The following DOCK3 variants were observed in gnomAD, a reference collection of about 807,000 sequenced individuals.
DOCK3 encodes dedicator of cytokinesis protein 3.
In DOCK3, 60 loss-of-function variants were observed where a neutral mutation model predicts 265.6. That is an observed-to-expected ratio of 0.23 (90% confidence interval 0.18 to 0.28). The LOEUF is 0.28. Among genes scored for constraint, DOCK3 ranks in the 10% least tolerant of loss-of-function variants. DOCK3 has a pLI of 1.00. For synonymous variants in DOCK3, 881 were observed against 938.0 expected (o/e 0.94, Z 1.11); for missense variants, 1,981 against 2,594.3 (o/e 0.76, Z 5.14).
rs572298100 is a variant in DOCK3 at position 50,777,887 on chromosome 3, A to G, written c.38-788A>G. Among the ~76,000 whole-genome samples, 11 of 152,248 alleles carry G rather than the reference A, an allele frequency of 7.2e-5. No individual in the cohort carries two copies. The South Asian group carries it at 2.3e-3, about 32-fold the overall frequency. On this transcript the variant is annotated intron_variant, in intron 1 of 52. Coordinates refer to ENST00000266037, the MANE Select transcript of DOCK3 (RefSeq NM_004947.5). ...TGACAGTTTGTCATCTTCTTTTCCA[A>G]TCTGGATGCCCTTTATTTCTTTCTC... is the stretch of plus-strand genomic sequence containing the variant.
intron 46 of DOCK3, among the ~76,000 whole-genome samples, chr3:51,360,220 A>C (rs1242097244): frequency 6.6e-6 from 1 of 151,804 alleles, no homozygotes; most frequent in East Asian, 1.9e-4. Context: ...CTGTTAACAC[A>C]CTCCTATGAG....
intron 6 of DOCK3, among the ~76,000 whole-genome samples, chr3:51,070,025 A>G (rs1387690569): frequency 6.6e-6 from 1 of 152,166 alleles, no homozygotes; most frequent in African/African-American, 2.4e-5. Flanking sequence ...TGTCTTGGCT[A>G]TGTTTAAAGT....
rs764060310 is a variant in DOCK3 at position 51,208,763 on chromosome 3, T to C, written c.1038-11T>C. Reference sequence around the variant, plus strand: ...TACTTGAGTACCATAACACCTGTCCTTCTGTTACAGGTGCAACAACGAGAG... The same window carrying C: ...TACTTGAGTACCATAACACCTGTCCCTCTGTTACAGGTGCAACAACGAGAG... On this transcript the variant is annotated splice_polypyrimidine_tract_variant and intron_variant, in intron 12 of 52. Transcript: ENST00000266037. 1 of 1,600,072 alleles carries C rather than the reference T, an allele frequency of 6.2e-7. No individual in the cohort carries two copies. Among genetic ancestry groups the C allele is most frequent in the Admixed American group, 1.7e-5 (1 of 58,276 alleles).
chr3:51,304,230 A>G (rs1330174490), intron 27 of DOCK3, among the ~76,000 whole-genome samples: 1 of 151,982 alleles, frequency 6.6e-6, no homozygotes, highest in Non-Finnish European at 1.5e-5. Flanking sequence ...TTGGATCCAA[A>G]CCGTCCAGTT....
At chr3:51,004,872 A>G (rs1174974630) in intron 5 of DOCK3, among the ~76,000 whole-genome samples, 4 of 149,290 alleles carry the variant, frequency 2.7e-5, no homozygotes, top group Non-Finnish European at 5.9e-5. Context: ...TTTATCGTTC[A>G]TTCAGGCCTA....
At chr3:51,263,271 T>C (rs2079960041) in intron 23 of DOCK3, among the ~76,000 whole-genome samples, 1 of 152,212 alleles carries the variant, frequency 6.6e-6, no homozygotes, top group South Asian at 2.1e-4. Flanking sequence ...ATATTCAACA[T>C]TCTTAAAGAA....
At chr3:51,082,851 G>A (rs1384096866) in intron 7 of DOCK3, among the ~76,000 whole-genome samples, 1 of 152,128 alleles carries the variant, frequency 6.6e-6, no homozygotes, top group Non-Finnish European at 1.5e-5. Context: ...GCCCACAGCT[G>A]TTGTCCCCAT....
chr3:50,749,402 A>G (rs2039647910), intron 1 of DOCK3, among the ~76,000 whole-genome samples: 1 of 152,186 alleles, frequency 6.6e-6, no homozygotes, highest in African/African-American at 2.4e-5. Flanking sequence ...GAAAAGAGGT[A>G]AAAGAAAACA....
At chr3:51,109,068 G>A (rs2083406814) in intron 9 of DOCK3, among the ~76,000 whole-genome samples, 1 of 152,106 alleles carries the variant, frequency 6.6e-6, no homozygotes, top group Non-Finnish European at 1.5e-5. Context: ...CAAAACAACA[G>A]AATATACATT....
chr3:50,887,933 A>G (rs1273315191), intron 3 of DOCK3, among the ~76,000 whole-genome samples: 1 of 152,080 alleles, frequency 6.6e-6, no homozygotes, highest in Admixed American at 6.6e-5. Flanking sequence ...GGAAGTATTC[A>G]CTTTGAACAC....
intron 5 of DOCK3, among the ~76,000 whole-genome samples, chr3:50,971,539 C>T (rs558390765): frequency 2.6e-5 from 4 of 152,188 alleles, no homozygotes; most frequent in African/African-American, 7.2e-5. Context: ...ACCAGGTTGG[C>T]GAGGTCTCAG....
chr3:50,892,618 C>T (rs2048694891), intron 4 of DOCK3, among the ~76,000 whole-genome samples: 1 of 152,026 alleles, frequency 6.6e-6, no homozygotes, highest in South Asian at 2.1e-4. Context: ...TCTTTCTATC[C>T]CACCTCACCC....
intron 5 of DOCK3, among the ~76,000 whole-genome samples, chr3:51,058,755 C>G (rs1399149229): frequency 6.6e-6 from 1 of 152,064 alleles, no homozygotes; most frequent in Non-Finnish European, 1.5e-5. Flanking sequence ...ATAGTTTGCA[C>G]CTTCTTGCTA....
At position 51,332,603 on chromosome 3, in the gene DOCK3, G is replaced by A. The variant is rs189721164; in HGVS notation, c.3489-398G>A. Among the ~76,000 whole-genome samples, 7 of 152,330 alleles carry A rather than the reference G, an allele frequency of 4.6e-5. No individual in the cohort carries two copies. The East Asian group carries it at 1.2e-3, about 25-fold the overall frequency. On this transcript the variant is annotated intron_variant, in intron 33 of 52. Coordinates refer to ENST00000266037, the MANE Select transcript of DOCK3 (RefSeq NM_004947.5). ...GCCCATAATCCAAGCACTTTGGGAG[G>A]TCGAGGCAGGAGAATCACTTGAGGC...
chr3:51,274,991 G>A (rs978657100), intron 24 of DOCK3, 88 bp from the exon 25 acceptor site: 3 of 1,553,428 alleles, frequency 1.9e-6, no homozygotes, highest in Non-Finnish European at 1.8e-6. Flanking sequence ...CCTGCTTTGA[G>A]AATAGCTAAG....
intron 49 of DOCK3, among the ~76,000 whole-genome samples, 169 bp downstream of exon 49, chr3:51,362,843 C>A (rs932743793): frequency 1.3e-5 from 2 of 152,240 alleles, no homozygotes; most frequent in Non-Finnish European, 2.9e-5. Context: ...CAGGCCTCTT[C>A]CCTGGCTGGC....
rs758730203 is a variant in DOCK3 at position 51,333,140 on chromosome 3, C to T, written c.3516-18C>T. ...GGCTCATGAATTGTGTTTGCTTTCTCCACCCCTCCACCAATAGCCTGCTGG... is the reference window on the plus strand; with the variant it reads ...GGCTCATGAATTGTGTTTGCTTTCTTCACCCCTCCACCAATAGCCTGCTGG... On this transcript the variant is annotated intron_variant, in intron 34 of 52. Transcript: ENST00000266037. 24 of 1,613,960 alleles carry T rather than the reference C, an allele frequency of 1.5e-5. 1 individual carries two copies. The South Asian group carries it at 2.1e-4, about 14-fold the overall frequency.
At chr3:50,734,935 G>A (rs527432314) in intron 1 of DOCK3, among the ~76,000 whole-genome samples, 1 of 152,228 alleles carries the variant, frequency 6.6e-6, no homozygotes, top group Non-Finnish European at 1.5e-5. Context: ...ATATTTTCAT[G>A]TGTGTGTTAG....
intron 14 of DOCK3, among the ~76,000 whole-genome samples, chr3:51,220,249 G>A (rs1015733466): frequency 2.0e-5 from 3 of 152,046 alleles, no homozygotes; most frequent in Non-Finnish European, 4.4e-5. Flanking sequence ...CATCCCAATT[G>A]TACTGAAAGA....
Sources: gnomAD v4.1 joint callset for allele counts (sites outside exome capture counted in the v4.1 genomes callset) on GRCh38, gnomAD v4.1.1 for gene constraint, MANE v1.5 for transcripts, NCBI Gene and HGNC (gene_info 2026-07-23, HGNC 2026-07-21) for gene names.